SLC35F3: variants seen among roughly 807,000 people sequenced by gnomAD.
SLC35F3 encodes putative thiamine transporter SLC35F3.
A neutral mutation model predicts 49.9 loss-of-function variants in SLC35F3; 25 were observed. The observed-to-expected ratio is 0.50, with a 90% confidence interval of 0.37 to 0.70. SLC35F3 has a LOEUF of 0.70. Ranked by LOEUF, SLC35F3 falls within the 30% of genes least tolerant of loss-of-function variation. The probability of loss-of-function intolerance (pLI) is 0.00; values close to 1 mark genes in which losing one functional copy is unlikely to be tolerated. For missense variants in SLC35F3, 525 were observed against 639.8 expected (o/e 0.82, Z 1.94); for synonymous variants, 275 against 265.4 (o/e 1.04, Z -0.35).
chr1:234,290,314 G>GA (rs958648783), intron 3 of SLC35F3, among the ~76,000 whole-genome samples: 2 of 151,888 alleles, frequency 1.3e-5, no homozygotes, highest in Admixed American at 6.6e-5. Context: ...ATAATCACAA[G>GA]AAAAAAATTC....
chr1:234,197,650 C>G (rs1666833940), intron 2 of SLC35F3, among the ~76,000 whole-genome samples: 1 of 152,216 alleles, frequency 6.6e-6, no homozygotes, highest in Admixed American at 6.5e-5. Context: ...CCCACAAGAA[C>G]CCCAGGGTAG....
At chr1:234,122,012 G>A (rs1410160878) in intron 2 of SLC35F3, among the ~76,000 whole-genome samples, 1 of 152,186 alleles carries the variant, frequency 6.6e-6, no homozygotes, top group Non-Finnish European at 1.5e-5. Flanking sequence ...ATTGTGAATA[G>A]TGCTGCAATA....
chr1:234,121,660 C>T (rs1294804695), intron 2 of SLC35F3, among the ~76,000 whole-genome samples: 3 of 151,912 alleles, frequency 2.0e-5, no homozygotes, highest in Admixed American at 1.3e-4. Flanking sequence ...GTTTGCTGCA[C>T]CCATTAACTC....
intron 2 of SLC35F3, among the ~76,000 whole-genome samples, chr1:234,198,456 C>T (rs1038763824): frequency 6.6e-6 from 1 of 152,178 alleles, no homozygotes; most frequent in African/African-American, 2.4e-5. Context: ...ATTCTGTTTA[C>T]TCTTTTGAGG....
chr1:234,124,884 A>G (rs1397026510), intron 2 of SLC35F3, among the ~76,000 whole-genome samples: 1 of 152,132 alleles, frequency 6.6e-6, no homozygotes, highest in African/African-American at 2.4e-5. Flanking sequence ...AAGATTCACA[A>G]TTCTGGTGAT....
At position 234,095,550 on chromosome 1, in the gene SLC35F3, G is replaced by A. The variant is rs564019167; in HGVS notation, c.284-135867G>A. ...AGGCTTGTTTGTAAGTTCAATGCTC[G>A]TAATTTGGAGACTATATAAACTTTT... On this transcript the variant is annotated intron_variant, in intron 2 of 7. Coordinates refer to ENST00000366618, the MANE Select transcript of SLC35F3 (RefSeq NM_173508.4). Among the ~76,000 whole-genome samples the A allele has an allele frequency of 1.5e-4, 23 of 152,306 alleles. No homozygotes were observed. In the South Asian group the frequency reaches 2.7e-3, roughly 18 times the overall value.
At chr1:234,021,371 C>T (rs917855690) in intron 2 of SLC35F3, among the ~76,000 whole-genome samples, 9 of 152,138 alleles carry the variant, frequency 5.9e-5, no homozygotes, top group Non-Finnish European at 1.2e-4. Context: ...ATCAGAAACC[C>T]GAAGACCCCA....
At chr1:233,974,716 A>T (rs1274896376) in intron 2 of SLC35F3, among the ~76,000 whole-genome samples, 1 of 152,228 alleles carries the variant, frequency 6.6e-6, no homozygotes, top group Non-Finnish European at 1.5e-5. Flanking sequence ...TGTCAGTGAC[A>T]TGAATGTACT....
intron 2 of SLC35F3, among the ~76,000 whole-genome samples, chr1:234,043,329 A>G (rs10797523): frequency 0.77 from 116,681 of 152,170 alleles, 45,596 homozygotes; most frequent in African/African-American, 0.92. Context: ...TATAACTATC[A>G]TTATTTACAG....
At chr1:234,220,939 G>T (rs1158376473) in intron 2 of SLC35F3, among the ~76,000 whole-genome samples, 1 of 152,144 alleles carries the variant, frequency 6.6e-6, no homozygotes, top group Non-Finnish European at 1.5e-5. Context: ...GGTGAAGCCT[G>T]AGAAACCAAT....
chr1:234,088,328 C>T (rs1664990513), intron 2 of SLC35F3, among the ~76,000 whole-genome samples: 1 of 152,226 alleles, frequency 6.6e-6, no homozygotes, highest in South Asian at 2.1e-4. Context: ...CTGCCTCAGC[C>T]TCCCAAGTAG....
intron 2 of SLC35F3, among the ~76,000 whole-genome samples, chr1:234,174,681 A>C (rs1427590184): frequency 6.6e-6 from 1 of 152,224 alleles, no homozygotes; most frequent in East Asian, 1.9e-4. Context: ...CCAACCAGAG[A>C]TCCGGCAGAA....
intron 2 of SLC35F3, among the ~76,000 whole-genome samples, chr1:234,101,880 CT>C (rs1337294592): frequency 1.3e-5 from 2 of 152,206 alleles, no homozygotes; most frequent in Non-Finnish European, 2.9e-5. Context: ...TTTTATTTTG[CT>C]GTAGCAATAT....
At chr1:233,990,149 C>T (rs995997952) in intron 2 of SLC35F3, among the ~76,000 whole-genome samples, 29 of 152,090 alleles carry the variant, frequency 1.9e-4, no homozygotes, top group African/African-American at 6.8e-4. Flanking sequence ...TTTATTTCCT[C>T]TTTAGGTTTT....
chr1:234,246,299 C>T (rs1207958144), intron 3 of SLC35F3, among the ~76,000 whole-genome samples: 1 of 152,066 alleles, frequency 6.6e-6, no homozygotes, highest in African/African-American at 2.4e-5. Context: ...TGATTTACCC[C>T]CAAGCTTTTG....
At chr1:233,988,645 A>T (rs942818432) in intron 2 of SLC35F3, among the ~76,000 whole-genome samples, 1 of 152,188 alleles carries the variant, frequency 6.6e-6, no homozygotes, top group Non-Finnish European at 1.5e-5. Context: ...GGGTGTCCTA[A>T]GTAAGCTGCC....
intron 2 of SLC35F3, among the ~76,000 whole-genome samples, chr1:233,996,542 T>TGC (rs1553295556): frequency 6.6e-6 from 1 of 151,758 alleles, no homozygotes; most frequent in Admixed American, 6.6e-5. Context: ...GATGAGGACT[T>TGC]GGGGGGAATT....
chr1:234,298,570 T>C (rs1213319973), intron 3 of SLC35F3, among the ~76,000 whole-genome samples: 1 of 152,244 alleles, frequency 6.6e-6, no homozygotes, highest in Non-Finnish European at 1.5e-5. Context: ...GTGATCTACC[T>C]GGATATGCAT....
chr1:234,277,724 T>C (rs1460172612), intron 3 of SLC35F3, among the ~76,000 whole-genome samples: 1 of 152,186 alleles, frequency 6.6e-6, no homozygotes, highest in Non-Finnish European at 1.5e-5. Context: ...CAAGTAGAAA[T>C]GGTATGCCTG....
Sources: allele counts gnomAD v4.1 joint callset (sites outside exome capture counted in the v4.1 genomes callset), GRCh38; gene constraint gnomAD v4.1.1; transcripts MANE v1.5; gene names NCBI Gene and HGNC (gene_info 2026-07-23, HGNC 2026-07-21).